The following ATAD2B variants were observed in gnomAD, a reference collection of about 807,000 sequenced individuals.
ATAD2B encodes the protein ATPase family AAA domain containing 2B.
ATAD2B carries 40 observed loss-of-function variants against 167.6 expected under a neutral mutation model. The observed-to-expected ratio is 0.24, with a 90% CI of 0.19 to 0.31. ATAD2B has a LOEUF of 0.31. Among genes scored for constraint, ATAD2B ranks in the 10% least tolerant of loss-of-function variants. The pLI, the probability that ATAD2B is intolerant of heterozygous loss-of-function variation, is 1.00. For synonymous variants in ATAD2B, 579 were observed against 596.5 expected (o/e 0.97, Z 0.43); for missense variants, 1,242 against 1,757.2 (o/e 0.71, Z 5.24).
At chr2:23,711,668 G>T in the ATAD2B span, among the ~76,000 whole-genome samples, 3 of 152,020 alleles carry the variant, frequency 2.0e-5, no homozygotes, top group Admixed American at 6.6e-5. Context: ...ACTGCGCCTG[G>T]CCCTTTCCCC....
chr2:23,825,883 A>G (rs1688175158), intron 15 of ATAD2B, among the ~76,000 whole-genome samples: 1 of 152,220 alleles, frequency 6.6e-6, no homozygotes, highest in Non-Finnish European at 1.5e-5. Flanking sequence ...TGTTAATTAC[A>G]TATATAACAG....
intron 1 of ATAD2B, among the ~76,000 whole-genome samples, chr2:23,923,962 G>C (rs4665647): frequency 0.73 from 111,319 of 152,036 alleles, 41,187 homozygotes; most frequent in East Asian, 0.85. Context: ...GCGGGCTGAT[G>C]ACGAGGTCAG....
chr2:23,712,093 G>A, the ATAD2B span, among the ~76,000 whole-genome samples: 2 of 152,174 alleles, frequency 1.3e-5, no homozygotes, highest in Non-Finnish European at 2.9e-5. Flanking sequence ...CATTGCAGGA[G>A]TGAGGCCACA....
chr2:23,788,242 A>T, intron 20 of ATAD2B: 2 of 367,512 alleles, frequency 5.4e-6, no homozygotes, highest in Middle Eastern at 7.3e-4. Flanking sequence ...TTTTTCTATG[A>T]CTTTTTGAGC....
chr2:23,817,868 T>C (rs1686689715), intron 17 of ATAD2B, among the ~76,000 whole-genome samples: 1 of 152,134 alleles, frequency 6.6e-6, no homozygotes, highest in Non-Finnish European at 1.5e-5. Context: ...GCCATACCAA[T>C]GTTTCACATT....
At chr2:23,873,214 A>G (rs902425409) in intron 8 of ATAD2B, among the ~76,000 whole-genome samples, 6 of 152,246 alleles carry the variant, frequency 3.9e-5, no homozygotes, top group Non-Finnish European at 8.8e-5. Context: ...ATTTGCCAAT[A>G]ATAGCACAGA....
At chr2:23,700,818 T>G in the ATAD2B span, among the ~76,000 whole-genome samples, 15 of 152,294 alleles carry the variant, frequency 9.8e-5, no homozygotes, top group Middle Eastern at 3.4e-3. This position sits in a 1 kb window ranked among gnomAD's most constrained non-coding sequence, Gnocchi z 4.6. Context: ...CCTCCATCCT[T>G]GAAGCCCTCA....
chr2:23,721,101 G>A, the ATAD2B span, among the ~76,000 whole-genome samples: 86 of 152,264 alleles, frequency 5.6e-4, no homozygotes, highest in East Asian at 0.013. Flanking sequence ...TGGGAGTCCT[G>A]CCCAGGGTGA....
At chr2:23,741,719 A>C in the ATAD2B span, among the ~76,000 whole-genome samples, 3 of 152,172 alleles carry the variant, frequency 2.0e-5, no homozygotes, top group African/African-American at 7.2e-5. Context: ...TAATTAAACT[A>C]AAGAGCTTCT....
chr2:23,776,159 T>A (rs1329114517), intron 22 of ATAD2B, among the ~76,000 whole-genome samples: 1 of 152,144 alleles, frequency 6.6e-6, no homozygotes, highest in Non-Finnish European at 1.5e-5. Flanking sequence ...TTGTCTGGGT[T>A]TACCAAATAT....
At chr2:23,855,642 G>T (rs552239147) in intron 13 of ATAD2B, among the ~76,000 whole-genome samples, 1 of 152,196 alleles carries the variant, frequency 6.6e-6, no homozygotes, top group African/African-American at 2.4e-5. Flanking sequence ...TTGTAGAGAC[G>T]CTTTGAGAGG....
intron 13 of ATAD2B, among the ~76,000 whole-genome samples, chr2:23,835,245 C>T (rs1689739249): frequency 6.6e-6 from 1 of 152,032 alleles, no homozygotes. Flanking sequence ...TTCATAATAG[C>T]CAAAAAAGTG....
At chr2:23,696,582 T>C in the ATAD2B span, 1 of 1,265,142 alleles carries the variant, frequency 7.9e-7, no homozygotes. The surrounding 1 kb of genome is among the most constrained non-coding windows in gnomAD (Gnocchi z 5.5). Flanking sequence ...CGTCACTCAC[T>C]GTACCTCCCA....
chr2:23,773,265 G>A (rs1437827838), intron 22 of ATAD2B, among the ~76,000 whole-genome samples: 1 of 152,136 alleles, frequency 6.6e-6, no homozygotes, highest in Non-Finnish European at 1.5e-5. Flanking sequence ...CAACACTTTG[G>A]GAGACTGAGG....
At chr2:23,805,806 A>AAAAACAC (rs1553396417) in intron 18 of ATAD2B, among the ~76,000 whole-genome samples, 1 of 145,704 alleles carries the variant, frequency 6.9e-6, no homozygotes, top group Non-Finnish European at 1.5e-5. Context: ...AAAAAAAAAA[A>AAAAACAC]AACAAATCTG....
chr2:23,834,108 AG>A lies in ATAD2B; in HGVS notation c.1569-31del, dbSNP rs777937318. The A allele has an allele frequency of 2.1e-6, 3 of 1,436,014 alleles. No individual in the cohort carries two copies. The East Asian group carries it at 7.1e-5, about 34-fold the overall frequency. 89.0% of individuals were successfully genotyped at this position (1,436,014 alleles called of 1,614,324 possible). On this transcript the variant is annotated intron_variant, in intron 13 of 27. Transcript: ENST00000238789. ...AAAATAATTTTCAGGCAAAATTAAA[AG>A]AATTGTAAACACTGCTGCTTACAAT...
intron 14 of ATAD2B, chr2:23,832,258 G>C (rs201912871): frequency 2.1e-6 from 1 of 467,572 alleles, no homozygotes; most frequent in Admixed American, 2.4e-5. Flanking sequence ...ATCTAGTCTC[G>C]GGACCTTAAA....
At chr2:23,760,751 T>TATACACACACACACACACATAC (rs1553373395) in intron 24 of ATAD2B, among the ~76,000 whole-genome samples, 8 of 100,374 alleles carry the variant, frequency 8.0e-5, no homozygotes, top group Admixed American at 2.3e-4. Flanking sequence ...CACACACACA[T>TATACACACACACACACACATAC]ACACACACAC....
In ATAD2B at chr2:23,867,896, C is replaced by T. The variant is rs1695382954; in HGVS notation, c.1127G>A (p.Arg376Gln). 2 of 1,613,774 alleles carry T rather than the reference C, an allele frequency of 1.2e-6. No individual in the cohort carries two copies. Among genetic ancestry groups the T allele is most frequent in the South Asian group, 1.1e-5 (1 of 91,052 alleles). Residue 376 changes from arginine to glutamine, a missense_variant, in exon 10 of 28, where the codon CGA becomes CAA. Arg to Gln is a conservative substitution (Grantham distance 43). Around this residue, in one of 9 missense-constraint regions of ATAD2B, gnomAD observed 127 missense variants for 146.3 expected, o/e 0.87. Coordinates refer to ENST00000238789, the MANE Select transcript of ATAD2B (RefSeq NM_017552.4). ...RAEDLASGIL[R>Q]ERVKVGASLA... ...GCTTGCACCCACTTTCACTCGTTCT[C>T]GGAGAATACCGCTAGCTAAGTCCTC...
Sources: allele counts gnomAD v4.1 joint callset (sites outside exome capture counted in the v4.1 genomes callset), GRCh38; gene constraint gnomAD v4.1.1; regional missense constraint gnomAD v4.1.1; non-coding constraint Gnocchi (gnomAD v3.1); transcripts MANE v1.5; gene names NCBI Gene and HGNC (gene_info 2026-07-23, HGNC 2026-07-21).